MYOF: variants seen among roughly 807,000 people sequenced by gnomAD.
MYOF encodes the protein fer-1-like 3, myoferlin.
In MYOF, 244 loss-of-function variants were observed where a neutral mutation model predicts 284.2. The ratio of observed to expected loss-of-function variants is 0.86; its 90% CI spans 0.77 to 0.95. The LOEUF is 0.95. Among genes scored for constraint, MYOF ranks in the 40% least tolerant of loss-of-function variants. The pLI is 0.00. For missense variants in MYOF, 2,496 were observed against 2,560.6 expected (o/e 0.97, Z 0.54); for synonymous variants, 904 against 919.7 (o/e 0.98, Z 0.31).
At chr10:93,423,748 G>A (rs1279030045) in intron 5 of MYOF, among the ~76,000 whole-genome samples, 2 of 151,326 alleles carry the variant, frequency 1.3e-5, no homozygotes, top group Non-Finnish European at 2.9e-5. Context: ...CAGAAGAATG[G>A]CGTGAACCCT....
intron 4 of MYOF, among the ~76,000 whole-genome samples, chr10:93,429,167 A>G (rs1848726811): frequency 1.3e-5 from 2 of 152,236 alleles, no homozygotes; most frequent in East Asian, 1.9e-4. Context: ...TAGTTATTGC[A>G]AGGTCTGGTT....
intron 49 of MYOF, 120 bp from the exon 50 acceptor site, chr10:93,316,933 G>T (rs1842638841): frequency 2.8e-6 from 2 of 726,294 alleles, no homozygotes; most frequent in African/African-American, 1.8e-5. Context: ...ACTCCCTTGG[G>T]CCTAAATCCT....
At chr10:93,333,464 T>C (rs997386616) in intron 42 of MYOF, 152 bp from the exon 43 acceptor site, 6 of 692,822 alleles carry the variant, frequency 8.7e-6, no homozygotes, top group East Asian at 2.9e-5. Context: ...GGAGCAATGC[T>C]CTCCTTTGGG....
At chr10:93,313,279 G>T in intron 50 of MYOF, 69 bp from the exon 51 acceptor site, 1 of 1,447,080 alleles carries the variant, frequency 6.9e-7, no homozygotes, top group South Asian at 1.3e-5. Flanking sequence ...CAAGTGAACA[G>T]AACGTTCTTA....
rs1020846647 is a variant in MYOF at position 93,401,628 on chromosome 10, A to G, written c.991-84T>C. On this transcript the variant is annotated intron_variant, in intron 11 of 53. Coordinates refer to ENST00000359263, the MANE Select transcript of MYOF (RefSeq NM_013451.4). ...AAATTAATGCTTATAAAATGAAACC[A>G]TTCAGAATCGTTTCCATTAAGATTT... 3.3e-6 allele frequency: 5 copies of G among 1,519,666 alleles called. No homozygotes were observed. In the African/African-American group the frequency reaches 6.9e-5, roughly 21 times the overall value. 94.1% of individuals were successfully genotyped at this position (1,519,666 alleles called of 1,614,324 possible).
At chr10:93,355,973 C>T (rs1185769466) in intron 30 of MYOF, among the ~76,000 whole-genome samples, 1 of 152,076 alleles carries the variant, frequency 6.6e-6, no homozygotes, top group African/African-American at 2.4e-5. Flanking sequence ...TACCTCCAGT[C>T]CAGGTTTGCC....
At chr10:93,391,185 T>G (rs1196002223) in intron 17 of MYOF, among the ~76,000 whole-genome samples, 1 of 152,256 alleles carries the variant, frequency 6.6e-6, no homozygotes, top group Non-Finnish European at 1.5e-5. Flanking sequence ...TAATTATTTT[T>G]GTCCAACAAA....
rs111979313 is a variant in MYOF at position 93,433,395 on chromosome 10, G to C, written c.237-1879C>G. On this transcript the variant is annotated intron_variant, in intron 3 of 53. Transcript: ENST00000359263. ...GCTGGTCTAGAACTCCCAACCTCAG[G>C]TGATCCACCTGCCTCAGCCTCTCAA... 5.6e-3 allele frequency among the ~76,000 whole-genome samples: 855 copies of C among 152,330 alleles called. 6 individuals are homozygous for C. Among genetic ancestry groups the C allele is most frequent in the Middle Eastern group, 0.017 (5 of 294 alleles).
intron 17 of MYOF, among the ~76,000 whole-genome samples, chr10:93,390,814 A>T (rs546837239): frequency 2.3e-4 from 34 of 145,328 alleles, no homozygotes; most frequent in African/African-American, 5.5e-4. Flanking sequence ...AAAAAGATTT[A>T]AAAAAAAAAA....
In MYOF at chr10:93,456,866, A is replaced by C; in HGVS notation, c.144+16T>G. On this transcript the variant is annotated intron_variant, in intron 2 of 53. Coordinates refer to ENST00000359263, the MANE Select transcript of MYOF (RefSeq NM_013451.4). ...GCTTATCTATTAAAACAAAGTTGAA[A>C]AAACAATGAAGTCACCTCATTCCAG... 1 of 1,584,134 alleles carries C rather than the reference A, an allele frequency of 6.3e-7. No individual in the cohort carries two copies. Among genetic ancestry groups the C allele is most frequent in the Non-Finnish European group, 8.6e-7 (1 of 1,162,558 alleles).
intron 3 of MYOF, among the ~76,000 whole-genome samples, chr10:93,450,045 G>A (rs2056546458): frequency 6.6e-6 from 1 of 151,954 alleles, no homozygotes; most frequent in Non-Finnish European, 1.5e-5. Context: ...ATCAGTTGAG[G>A]CCAAGAGTTC....
At chr10:93,349,701 T>C in intron 36 of MYOF, 107 bp downstream of exon 36, 4 of 1,339,012 alleles carry the variant, frequency 3.0e-6, no homozygotes, top group Non-Finnish European at 3.0e-6. Flanking sequence ...AGGGTTTTTC[T>C]ATTTGTCAGG....
At chr10:93,407,574 CAA>C (rs545711304) in intron 7 of MYOF, among the ~76,000 whole-genome samples, 7 of 132,734 alleles carry the variant, frequency 5.3e-5, no homozygotes, top group East Asian at 2.2e-4. Flanking sequence ...ACTAAAAATA[CAA>C]AAAAAAAAAA....
rs776446740 is a variant in MYOF at position 93,399,382 on chromosome 10, A to T, written c.1221+10T>A. On this transcript the variant is annotated intron_variant, in intron 13 of 53. Transcript: ENST00000359263. ...TACTAGCAGCATCTGCATTTAGATC[A>T]TGTACAAACCTTTTTTCCAGCAAAG... 1 of 1,587,218 alleles carries T rather than the reference A, an allele frequency of 6.3e-7. No homozygotes were observed.
intron 1 of MYOF, among the ~76,000 whole-genome samples, chr10:93,474,493 T>C (rs1009477406): frequency 2.0e-5 from 3 of 152,252 alleles, no homozygotes; most frequent in African/African-American, 4.8e-5. Flanking sequence ...TAACTTTTCA[T>C]GTCTATTCTG....
chr10:93,461,766 C>G (rs1206207545), intron 1 of MYOF, among the ~76,000 whole-genome samples: 1 of 152,146 alleles, frequency 6.6e-6, no homozygotes, highest in Non-Finnish European at 1.5e-5. Flanking sequence ...CCTCAAGTAC[C>G]AGGCTAAGCT....
chr10:93,330,719 G>A (rs112962655), intron 43 of MYOF, among the ~76,000 whole-genome samples: 4 of 152,304 alleles, frequency 2.6e-5, no homozygotes, highest in African/African-American at 9.6e-5. Context: ...TCCCGGAGAA[G>A]GTGCTCAATA....
chr10:93,413,264 G>C (rs1589529712), intron 5 of MYOF, among the ~76,000 whole-genome samples: 1 of 152,302 alleles, frequency 6.6e-6, no homozygotes, highest in South Asian at 2.1e-4. Context: ...AAAGGGATGG[G>C]TCAGAGGAAA....
chr10:93,473,948 T>C (rs2057203882), intron 1 of MYOF, among the ~76,000 whole-genome samples: 2 of 152,218 alleles, frequency 1.3e-5, no homozygotes, highest in Non-Finnish European at 2.9e-5. Flanking sequence ...AGGTGGCTAC[T>C]GCCCTCGTGC....
Sources: allele counts gnomAD v4.1 joint callset (sites outside exome capture counted in the v4.1 genomes callset), GRCh38; gene constraint gnomAD v4.1.1; transcripts MANE v1.5; gene names NCBI Gene and HGNC (gene_info 2026-07-23, HGNC 2026-07-21).